Variants in DOCK8 observed in about 807,000 individuals in gnomAD.
The protein encoded by DOCK8 is dedicator of cytokinesis protein 8.
DOCK8 carries 141 observed loss-of-function variants against 245.6 expected under a neutral mutation model. That is an observed-to-expected ratio of 0.57 (90% CI 0.50 to 0.66). The LOEUF (loss-of-function observed/expected upper bound fraction) is 0.66. DOCK8 is among the 30% of genes least tolerant of loss of function. The probability of loss-of-function intolerance (pLI) is 0.00; values close to 1 mark genes in which losing one functional copy is unlikely to be tolerated. For synonymous variants in DOCK8, 1,168 were observed against 970.2 expected, an observed-to-expected ratio of 1.20 and a Z score of -3.79; for missense variants, 2,965 against 2,603.4, an observed-to-expected ratio of 1.14 and a Z score of -3.02.
intron 15 of DOCK8, chr9:368,997 G>C (rs1264375505): frequency 6.6e-6 from 1 of 151,416 alleles, no homozygotes; most frequent in Non-Finnish European, 1.5e-5. Flanking sequence ...GTAGAGATGG[G>C]GTTTCACCAT....
chr9:376,097 G>A, intron 18 of DOCK8, 113 bp from the exon 19 acceptor site: 3 of 812,040 alleles, frequency 3.7e-6, no homozygotes, highest in South Asian at 1.4e-5. Flanking sequence ...GTTTTCAAGA[G>A]AGTTCTGTAT....
chr9:338,120 C>T (rs1452436601), intron 12 of DOCK8, among the ~76,000 whole-genome samples: 19 of 151,580 alleles, frequency 1.3e-4, no homozygotes, highest in Admixed American at 1.2e-3. Context: ...CCCCACTGCA[C>T]TCCAGCCTGG....
At chr9:400,697 A>G (rs1265423343) in intron 26 of DOCK8, among the ~76,000 whole-genome samples, 3 of 117,378 alleles carry the variant, frequency 2.6e-5, no homozygotes, top group African/African-American at 7.9e-5. Context: ...CACCTCCACC[A>G]CCACCACCAC....
At chr9:420,350 T>C (rs2056223654) in intron 30 of DOCK8, 51 bp from the exon 31 acceptor site, 1 of 1,608,022 alleles carries the variant, frequency 6.2e-7, no homozygotes, top group South Asian at 1.1e-5. Flanking sequence ...CAAATTTTTC[T>C]GTTGCTTGAC....
intron 2 of DOCK8, among the ~76,000 whole-genome samples, chr9:284,198 A>G (rs1193231727): frequency 2.6e-5 from 4 of 152,074 alleles, no homozygotes; most frequent in Non-Finnish European, 5.9e-5. Context: ...GGTTGGTCCT[A>G]TGGAGGTGTC....
rs769338643 is a variant in DOCK8, at chr9:286,628, G to A, written c.324G>A (p.Pro108=). ...KECRTLQPSL[P]EEGVELDPHV... ...GTAGGACTTTGCAGCCCTCTTTGCCGGAGGAAGGGTAAATAGTTTTCTAAA... is the reference window on the plus strand; with the variant it reads ...GTAGGACTTTGCAGCCCTCTTTGCCAGAGGAAGGGTAAATAGTTTTCTAAA... Residue 108 remains proline, a synonymous_variant, in exon 3 of 48, where the codon CCG becomes CCA. Transcript: ENST00000432829. 5.6e-6 allele frequency: 9 copies of A among 1,613,680 alleles called. No homozygotes were observed. Among genetic ancestry groups the A allele is most frequent in the Middle Eastern group, 1.6e-4 (1 of 6,080 alleles).
At chr9:303,797 A>G (rs934987926) in intron 4 of DOCK8, among the ~76,000 whole-genome samples, 3 of 152,316 alleles carry the variant, frequency 2.0e-5, no homozygotes, top group African/African-American at 7.2e-5. Flanking sequence ...ACCTAAAATA[A>G]AAGTTGGAAA....
chr9:437,365 G>T (rs948545261), intron 39 of DOCK8, among the ~76,000 whole-genome samples: 3 of 152,194 alleles, frequency 2.0e-5, no homozygotes, highest in Admixed American at 2.0e-4. Context: ...GGAGAGAAGA[G>T]AGATGCCTCC....
At chr9:214,604 G>A (rs773804752), upstream of DOCK8, 2 of 1,613,770 alleles carry the variant, frequency 1.2e-6, no homozygotes, top group African/African-American at 2.7e-5. Context: ...TCGGGCAGAT[G>A]GAGCTTCCGG....
chr9:396,633 T>C, intron 24 of DOCK8, 152 bp from the exon 25 acceptor site: 1 of 1,041,774 alleles, frequency 9.6e-7, no homozygotes, highest in Non-Finnish European at 1.4e-6. Flanking sequence ...TGCAGCATTT[T>C]AGTCCAGAGC....
At chr9:305,925 G>A (rs1322475150) in intron 5 of DOCK8, among the ~76,000 whole-genome samples, 1 of 152,150 alleles carries the variant, frequency 6.6e-6, no homozygotes, top group Non-Finnish European at 1.5e-5. Flanking sequence ...GTCGCCAGGG[G>A]CTGGGGGAGG....
intron 1 of DOCK8, among the ~76,000 whole-genome samples, chr9:248,278 A>G (rs2047555653): frequency 6.6e-6 from 1 of 152,232 alleles, no homozygotes; most frequent in Non-Finnish European, 1.5e-5. Flanking sequence ...TAGACAAAAC[A>G]GATTAACATC....
intron 3 of DOCK8, among the ~76,000 whole-genome samples, chr9:287,587 C>T (rs950422959): frequency 1.3e-5 from 2 of 152,032 alleles, no homozygotes; most frequent in Non-Finnish European, 2.9e-5. Flanking sequence ...TGATAATGGG[C>T]TGGTATTATT....
intron 1 of DOCK8, among the ~76,000 whole-genome samples, chr9:223,233 G>T (rs890034658): frequency 2.1e-4 from 32 of 152,274 alleles, no homozygotes; most frequent in East Asian, 1.9e-4. Flanking sequence ...AAAAACAGAA[G>T]TTAATAAACT....
intron 1 of DOCK8, 48 bp downstream of exon 1, chr9:215,077 C>T (rs781344592): frequency 6.5e-7 from 1 of 1,539,078 alleles, no homozygotes; most frequent in Admixed American, 1.9e-5. Flanking sequence ...CAGCCCAGCG[C>T]TGGTGTGAAG....
At chr9:350,256 C>A (rs573949619) in intron 14 of DOCK8, among the ~76,000 whole-genome samples, 1 of 152,250 alleles carries the variant, frequency 6.6e-6, no homozygotes, top group Middle Eastern at 3.4e-3. Context: ...AGGACCACTG[C>A]TGTGTGTCAC....
Position 382,690 on chromosome 9 carries a change from G to C in DOCK8, c.2778+5G>C. On this transcript the variant is annotated splice_donor_5th_base_variant and intron_variant, in intron 22 of 47. Transcript: ENST00000432829. Reference sequence around the variant, plus strand: ...AAGAACATCATGTCTTCAAAGGTAGGAAAGATGTCAAACCGTGGAAGGGGA... The same window carrying C: ...AAGAACATCATGTCTTCAAAGGTAGCAAAGATGTCAAACCGTGGAAGGGGA... 2 of 1,614,108 alleles carry C rather than the reference G, an allele frequency of 1.2e-6. No individual in the cohort carries two copies. Among genetic ancestry groups the C allele is most frequent in the Non-Finnish European group, 1.7e-6 (2 of 1,179,994 alleles).
Position 271,627 on chromosome 9 carries a change from G to A in DOCK8, c.54G>A (p.Arg18=), listed in dbSNP as rs2048167738. 1.3e-6 allele frequency: 2 copies of A among 1,540,418 alleles called. No individual in the cohort carries two copies. Among genetic ancestry groups the A allele is most frequent in the East Asian group, 2.4e-5 (1 of 40,824 alleles). ...TTAGATTTTTCTATTTTAATCCAAG[G>A]TATTCTTCAGCGGAAATAAGGAAAC... ...ERRAFALKIN[R]YSSAEIRKQF... is the part of the protein sequence containing the mutation. The change falls in exon 2 of 48, where the codon AGG becomes AGA. Residue 18 remains arginine, a splice_region_variant and synonymous_variant. Transcript: ENST00000432829.
chr9:364,024 C>T (rs16935122), intron 14 of DOCK8, among the ~76,000 whole-genome samples: 11,162 of 152,150 alleles, frequency 0.073, 729 homozygotes, highest in African/African-American at 0.18. Context: ...GATTGATAGG[C>T]GCCTTTTAAT....
Sources: gnomAD v4.1 joint callset for allele counts (sites outside exome capture counted in the v4.1 genomes callset) on GRCh38, gnomAD v4.1.1 for gene constraint, MANE v1.5 for transcripts, NCBI Gene and HGNC (gene_info 2026-07-23, HGNC 2026-07-21) for gene names.